Variants in EAF2 observed in about 807,000 individuals in gnomAD.
EAF2 encodes ELL-associated factor 2.
Under a neutral mutation model 29.4 loss-of-function variants are expected in EAF2, and 29 were observed. The ratio of observed to expected loss-of-function variants is 0.99; its 90% CI spans 0.73 to 1.35. The LOEUF (loss-of-function observed/expected upper bound fraction) is 1.35, where lower values mean the gene tolerates loss of function less well. EAF2 is among the 40% of genes most tolerant of loss of function. The pLI is 0.00. For missense variants in EAF2, 292 were observed against 312.0 expected (o/e 0.94, Z 0.48); for synonymous variants, 103 against 102.5 (o/e 1.00, Z -0.03).
intron 3 of EAF2, among the ~76,000 whole-genome samples, chr3:121,856,721 T>G (rs1162003054): frequency 6.6e-6 from 1 of 152,190 alleles, no homozygotes; most frequent in African/African-American, 2.4e-5. Flanking sequence ...CCTCAAGTAA[T>G]CCTCCCACTT....
chr3:121,858,196 G>C (rs1266044424), intron 4 of EAF2, among the ~76,000 whole-genome samples: 1 of 152,196 alleles, frequency 6.6e-6, no homozygotes, highest in African/African-American at 2.4e-5. Context: ...GTAATGGGAT[G>C]GCTGGGTCAA....
In EAF2 at chr3:121,880,449, T is replaced by C. The variant is rs1709173783; in HGVS notation, c.737-5893T>C. ...TGAGTCACTGTCCTGGACCTTAGTGTTTTGGGGTGTGTGTGTGTGTGTGTG... is the reference window on the plus strand; with the variant it reads ...TGAGTCACTGTCCTGGACCTTAGTGCTTTGGGGTGTGTGTGTGTGTGTGTG... On this transcript the variant is annotated intron_variant, in intron 5 of 5. Transcript: ENST00000273668. Among the ~76,000 whole-genome samples the C allele has an allele frequency of 3.3e-5, 4 of 122,924 alleles. No homozygotes were observed. In the South Asian group the frequency reaches 1.1e-3, roughly 35 times the overall value. 80.6% of individuals were successfully genotyped at this position (122,924 alleles called of 152,430 possible).
intron 4 of EAF2, among the ~76,000 whole-genome samples, chr3:121,862,062 C>T (rs1256979079): frequency 6.6e-6 from 1 of 152,196 alleles, no homozygotes; most frequent in Non-Finnish European, 1.5e-5. Flanking sequence ...ATGGGCTTCG[C>T]TTTGTGGGTA....
At chr3:121,850,113 C>A (rs1040837709) in intron 2 of EAF2, among the ~76,000 whole-genome samples, 1 of 151,104 alleles carries the variant, frequency 6.6e-6, no homozygotes, top group African/African-American at 2.4e-5. Flanking sequence ...TGAAGTATAT[C>A]TTTTGTTAAT....
At position 121,876,646 on chromosome 3, in the gene EAF2, G is replaced by A. The variant is rs189978652; in HGVS notation, c.736+3858G>A. Among the ~76,000 whole-genome samples the A allele has an allele frequency of 2.0e-3, 298 of 152,038 alleles. 1 individual carries two copies. The highest frequency in any genetic ancestry group is 6.8e-3 in the South Asian group (33 of 4,820). ...TTAAGTATGCTGAGATCCATGTCAT[G>A]TTAGGAGGATAGATACACTGAATCT... On this transcript the variant is annotated intron_variant, in intron 5 of 5. Transcript: ENST00000273668.
intron 5 of EAF2, among the ~76,000 whole-genome samples, chr3:121,877,650 A>G (rs1709122970): frequency 6.6e-6 from 1 of 151,882 alleles, no homozygotes; most frequent in Non-Finnish European, 1.5e-5. Context: ...TTATAATTGA[A>G]CATTAAAAAA....
chr3:121,860,544 T>C (rs1220894298), intron 4 of EAF2, among the ~76,000 whole-genome samples: 2 of 152,240 alleles, frequency 1.3e-5, no homozygotes, highest in African/African-American at 2.4e-5. Context: ...ATTGTATCTA[T>C]TTGATTCTTC....
At chr3:121,862,286 T>C (rs1039126831) in intron 4 of EAF2, among the ~76,000 whole-genome samples, 3 of 152,244 alleles carry the variant, frequency 2.0e-5, no homozygotes, top group African/African-American at 4.8e-5. Flanking sequence ...GTTTCCATTC[T>C]CTCTGTCACT....
rs200227619 is a variant in EAF2, at chr3:121,857,181, C to T, written c.484+25C>T. ...GGTAAAATCTAAGTATATGTAACAT[C>T]CCTTTATAAGAGATAATTAAGAAAT... On this transcript the variant is annotated intron_variant, in intron 4 of 5. Transcript: ENST00000273668. The T allele has an allele frequency of 2.9e-5, 46 of 1,590,078 alleles. 1 individual carries two copies. The East Asian group carries it at 9.6e-4, about 33-fold the overall frequency.
chr3:121,856,269 TTTTA>T (rs1181889936), intron 3 of EAF2, among the ~76,000 whole-genome samples: 1 of 152,136 alleles, frequency 6.6e-6, no homozygotes, highest in African/African-American at 2.4e-5. Flanking sequence ...ATATTTTTCC[TTTTA>T]TTTTAGTCAT....
At chr3:121,857,535 T>G (rs1708742369) in intron 4 of EAF2, among the ~76,000 whole-genome samples, 1 of 152,128 alleles carries the variant, frequency 6.6e-6, no homozygotes, top group South Asian at 2.1e-4. Flanking sequence ...TTTTTTCATT[T>G]TAATTAACAG....
rs1221757062 is a variant in EAF2 at position 121,840,488 on chromosome 3, TAAAAAAAAAAA to T, written c.107-3955_107-3945del. ...CCTGGTGACAGAGGGAGACTTCGTCTAAAAAAAAAAAAAAAAAAAAGAAAAAAAAAAAACGG... is the reference window on the plus strand; with the variant it reads ...CCTGGTGACAGAGGGAGACTTCGTCTAAAAAAAAAGAAAAAAAAAAAACGG... On this transcript the variant is annotated intron_variant, in intron 1 of 5. Transcript: ENST00000273668. Among the ~76,000 whole-genome samples the T allele has an allele frequency of 1.7e-4, 6 of 35,012 alleles. 1 individual carries two copies. The highest frequency in any genetic ancestry group is 8.2e-4 in the African/African-American group (6 of 7,310). The allele number at this position is 35,012 out of a possible 152,430, so 23.0% of individuals were successfully genotyped here.
At chr3:121,845,342 G>A (rs749601476) in intron 2 of EAF2, among the ~76,000 whole-genome samples, 7 of 147,134 alleles carry the variant, frequency 4.8e-5, no homozygotes, top group Non-Finnish European at 1.0e-4. Context: ...GGAGGTTCAG[G>A]CAGGAGAATC....
chr3:121,836,620 CTTT>C, intron 1 of EAF2: 1 of 987,220 alleles, frequency 1.0e-6, no homozygotes, highest in African/African-American at 1.7e-5. Flanking sequence ...GTTTATTCTT[CTTT>C]ATCATATACT....
At chr3:121,847,721 A>G (rs1414079655) in intron 2 of EAF2, among the ~76,000 whole-genome samples, 4 of 152,162 alleles carry the variant, frequency 2.6e-5, no homozygotes, top group Non-Finnish European at 4.4e-5. Context: ...ATTGTTTTAT[A>G]TGTGCATTTT....
chr3:121,843,238 A>T (rs553833484), intron 1 of EAF2, among the ~76,000 whole-genome samples: 1 of 152,102 alleles, frequency 6.6e-6, no homozygotes, highest in Non-Finnish European at 1.5e-5. Flanking sequence ...AGCTATTTTA[A>T]TTGTCATCGT....
chr3:121,876,163 A>G (rs1296333841), intron 5 of EAF2, among the ~76,000 whole-genome samples: 2 of 151,984 alleles, frequency 1.3e-5, no homozygotes, highest in Non-Finnish European at 2.9e-5. Context: ...TAAAAACTAC[A>G]GAGAAGACAA....
chr3:121,856,401 A>G (rs1394395614), intron 3 of EAF2, among the ~76,000 whole-genome samples: 1 of 148,500 alleles, frequency 6.7e-6, no homozygotes, highest in Non-Finnish European at 1.5e-5. Context: ...CTGGTCTTGA[A>G]CTCCTGGCCT....
chr3:121,868,004 C>T (rs571121012), intron 4 of EAF2, among the ~76,000 whole-genome samples: 4 of 152,158 alleles, frequency 2.6e-5, no homozygotes, highest in African/African-American at 9.6e-5. Context: ...CACAGAAAGG[C>T]AAGACAAGCA....
Sources: allele counts gnomAD v4.1 joint callset (sites outside exome capture counted in the v4.1 genomes callset), GRCh38; gene constraint gnomAD v4.1.1; transcripts MANE v1.5; gene names NCBI Gene and HGNC (gene_info 2026-07-23, HGNC 2026-07-21).